Variants in FGF8 observed in about 807,000 individuals in gnomAD.
FGF8 encodes the protein androgen-induced growth factor.
A neutral mutation model predicts 29.7 loss-of-function variants in FGF8; 12 were observed. The observed-to-expected ratio is 0.40, with a 90% CI of 0.26 to 0.65. FGF8 has a LOEUF of 0.65. Among genes scored for constraint, FGF8 ranks in the 30% least tolerant of loss-of-function variants. FGF8 has a pLI of 0.37. For missense variants in FGF8, 271 were observed against 345.1 expected, an observed-to-expected ratio of 0.79 and a Z score of 1.70; for synonymous variants, 157 against 144.4, an observed-to-expected ratio of 1.09 and a Z score of -0.63.
intron 4 of FGF8, among the ~76,000 whole-genome samples, chr10:101,774,241 G>A (rs1157270790): frequency 2.6e-5 from 4 of 152,246 alleles, no homozygotes; most frequent in Non-Finnish European, 5.9e-5. Context: ...AGGGAATGGA[G>A]CAGGGAGAGC....
In FGF8 at chr10:101,775,383, G is replaced by C. The variant is rs560489991; in HGVS notation, c.70-167C>G. ...CCCGAGGGGCGCTGAGAGGGTCTCT[G>C]CTGCAGTCACCCGGCTTCCCCTGGC... is the stretch of plus-strand genomic sequence containing the variant. On this transcript the variant is annotated intron_variant, in intron 2 of 5. Coordinates refer to ENST00000320185, the MANE Select transcript of FGF8 (RefSeq NM_033163.5). The surrounding 1 kb of genome is among the most constrained non-coding windows in gnomAD (Gnocchi z 4.6). Among the ~76,000 whole-genome samples, 2 of 152,262 alleles carry C rather than the reference G, an allele frequency of 1.3e-5. No individual in the cohort carries two copies. Among genetic ancestry groups the C allele is most frequent in the African/African-American group, 4.8e-5 (2 of 41,576 alleles).
In FGF8 at chr10:101,772,898, G is replaced by A. The variant is rs188009613; in HGVS notation, c.338-1329C>T. On this transcript the variant is annotated intron_variant, in intron 4 of 5. Transcript: ENST00000320185. This position sits in a 1 kb window ranked among gnomAD's most constrained non-coding sequence, Gnocchi z 4.4. ...TAGCCAGTCTGCTCATCCCTCTCCC[G>A]CTCTGCCTTCCACAGCAAGAGGCAG... Among the ~76,000 whole-genome samples the A allele has an allele frequency of 1.4e-4, 21 of 152,230 alleles. No homozygotes were observed. In the East Asian group the frequency reaches 2.5e-3, roughly 18 times the overall value.
rs1051604510 is a variant in FGF8 at position 101,776,103 on chromosome 10, T to C, written c.-203A>G. 1.2e-5 allele frequency: 2 copies of C among 168,756 alleles called. No individual in the cohort carries two copies. The highest frequency in any genetic ancestry group is 5.3e-5 in the African/African-American group (2 of 37,758). The allele number at this position is 168,756 out of a possible 1,614,324, so 10.5% of individuals were successfully genotyped here. A position where few individuals can be genotyped will look rare whatever the true frequency, so the allele number is the denominator to read the frequency against. ...CGCTGTGCGCCGCTGCCGGAGCCGGTGGCCGCTGGCTGCTCGGGAGCCGGA... is the reference window on the plus strand; with the variant it reads ...CGCTGTGCGCCGCTGCCGGAGCCGGCGGCCGCTGGCTGCTCGGGAGCCGGA... On this transcript the variant is annotated 5_prime_UTR_variant, in exon 1 of 6. Coordinates refer to ENST00000320185, the MANE Select transcript of FGF8 (RefSeq NM_033163.5).
upstream of FGF8, among the ~76,000 whole-genome samples, chr10:101,779,440 G>A (rs2065125214): frequency 6.6e-6 from 1 of 152,258 alleles, no homozygotes. The surrounding 1 kb of genome is among the most constrained non-coding windows in gnomAD (Gnocchi z 5.7). Flanking sequence ...TGCGCTGAAG[G>A]GCAAAGAAGA....
chr10:101,770,613 C>A lies in FGF8; in HGVS notation c.451G>T (p.Gly151Cys). ...GTGAAGACGCAGTCCTTGCCTTTGCCGTTGCTCTGCAGGTAGGGGAGCCAG... is the reference window on the plus strand; with the variant it reads ...GTGAAGACGCAGTCCTTGCCTTTGCAGTTGCTCTGCAGGTAGGGGAGCCAG... ...KKGKLIAKSN[G>C]KGKDCVFTEI... Residue 151 changes from glycine to cysteine, a missense_variant, in exon 6 of 6, where the codon GGC becomes TGC. By Grantham distance (159) the Gly-to-Cys change is radical (BLOSUM62 -3). Around this residue, in one of 3 missense-constraint regions of FGF8, gnomAD observed 168 missense variants for 207.0 expected, o/e 0.81. Transcript: ENST00000320185. 5.0e-6 allele frequency: 8 copies of A among 1,609,264 alleles called. No individual in the cohort carries two copies. The highest frequency in any genetic ancestry group is 6.8e-6 in the Non-Finnish European group (8 of 1,179,940).
Position 101,770,140 on chromosome 10 carries a change from TTAAA to T in FGF8, c.*185_*188del, listed in dbSNP as rs1564629760. The T allele has an allele frequency of 7.8e-5, 41 of 523,596 alleles. No individual in the cohort carries two copies. Among genetic ancestry groups the T allele is most frequent in the Middle Eastern group, 5.1e-4 (1 of 1,980 alleles). 32.4% of individuals were successfully genotyped at this position (523,596 alleles called of 1,614,324 possible). A position where few individuals can be genotyped will look rare whatever the true frequency, so the allele number is the denominator to read the frequency against. On this transcript the variant is annotated 3_prime_UTR_variant, in exon 6 of 6. Coordinates refer to ENST00000320185, the MANE Select transcript of FGF8 (RefSeq NM_033163.5). ...ACAAAAATAGAGCCTCTCTTTTGTT[TTAAA>T]AAAAAAAAAAAAAAAAAAAACAGCA... is the stretch of plus-strand genomic sequence containing the variant.
Position 101,771,345 on chromosome 10 carries a change from C to T in FGF8, c.444+118G>A, listed in dbSNP as rs377512247. 183 of 767,848 alleles carry T rather than the reference C, an allele frequency of 2.4e-4. No individual in the cohort carries two copies. The highest frequency in any genetic ancestry group is 4.4e-4 in the Admixed American group (23 of 52,616). The allele number at this position is 767,848 out of a possible 1,614,324, so 47.6% of individuals were successfully genotyped here. Reference sequence around the variant, plus strand: ...CAATCGTGAGGTAACCCCAAGATGGCCCTGTGGCCTTCTGCCTACCTTGTT... The same window carrying T: ...CAATCGTGAGGTAACCCCAAGATGGTCCTGTGGCCTTCTGCCTACCTTGTT... On this transcript the variant is annotated intron_variant, in intron 5 of 5. Transcript: ENST00000320185. The surrounding 1 kb of genome is among the most constrained non-coding windows in gnomAD (Gnocchi z 5.3).
chr10:101,770,580 C>A lies in FGF8; in HGVS notation c.484G>T (p.Val162Leu), dbSNP rs1367620386. 2.5e-6 allele frequency: 4 copies of A among 1,612,610 alleles called. No homozygotes were observed. Among genetic ancestry groups the A allele is most frequent in the Non-Finnish European group, 3.4e-6 (4 of 1,179,982 alleles). ...KGKDCVFTEI[V>L]LENNYTALQN... ...AGCGCTGTGTAGTTGTTCTCCAGCA[C>A]AATCTCCGTGAAGACGCAGTCCTTG... The change falls in exon 6 of 6, where the codon GTG becomes TTG. Residue 162 changes from valine (V) to leucine (L), a missense_variant. This residue lies in a region of FGF8 where 41 missense variants were observed against 80.0 expected (regional missense o/e 0.51). Transcript: ENST00000320185.
rs2065030676 is a variant in FGF8 at position 101,771,757 on chromosome 10, C to G, written c.338-188G>C. 6.6e-6 allele frequency among the ~76,000 whole-genome samples: 1 copy of G among 152,236 alleles called. No homozygotes were observed. Among genetic ancestry groups the G allele is most frequent in the Non-Finnish European group, 1.5e-5 (1 of 68,048 alleles). On this transcript the variant is annotated intron_variant, in intron 4 of 5. Coordinates refer to ENST00000320185, the MANE Select transcript of FGF8 (RefSeq NM_033163.5). The surrounding 1 kb of genome is among the most constrained non-coding windows in gnomAD (Gnocchi z 5.3). ...CTTTTCTGGACCTCGGGCCCCACCC[C>G]TGGGTTTACAGAGGGCAGTGGACGG...
In FGF8 at chr10:101,775,954, C is replaced by A; in HGVS notation, c.-54G>T. 1.8e-6 allele frequency: 2 copies of A among 1,140,716 alleles called. No homozygotes were observed. The highest frequency in any genetic ancestry group is 1.1e-6 in the Non-Finnish European group (1 of 926,148). 70.7% of individuals were successfully genotyped at this position (1,140,716 alleles called of 1,614,324 possible). On this transcript the variant is annotated 5_prime_UTR_variant, in exon 1 of 6. Transcript: ENST00000320185. The surrounding 1 kb of genome is among the most constrained non-coding windows in gnomAD (Gnocchi z 4.6). The stretch of plus-strand genomic sequence containing the variant: ...CGGCGGGTCACGCCGTCCCGCGGGC[C>A]GCCGCGGGAGGACGCGCTGAGCAGG...
At chr10:101,776,952 C>T (rs1400576465), upstream of FGF8, among the ~76,000 whole-genome samples, 2 of 152,004 alleles carry the variant, frequency 1.3e-5, no homozygotes, top group Non-Finnish European at 2.9e-5. Context: ...GTCCGGAGGT[C>T]CCTGGCAGGA....
Position 101,772,457 on chromosome 10 carries a change from C to G in FGF8, c.338-888G>C, listed in dbSNP as rs1006585390. On this transcript the variant is annotated intron_variant, in intron 4 of 5. Transcript: ENST00000320185. This position sits in a 1 kb window ranked among gnomAD's most constrained non-coding sequence, Gnocchi z 4.4. Reference sequence around the variant, plus strand: ...TGAATTCTATGCCTCCTTTCCCATTCCCCTCCCCTTAGACAGCCAACTTGC... The same window carrying G: ...TGAATTCTATGCCTCCTTTCCCATTGCCCTCCCCTTAGACAGCCAACTTGC... 1.3e-5 allele frequency among the ~76,000 whole-genome samples: 2 copies of G among 152,188 alleles called. No homozygotes were observed. Among genetic ancestry groups the G allele is most frequent in the African/African-American group, 4.8e-5 (2 of 41,456 alleles).
At chr10:101,779,295 C>G (rs2065123870), upstream of FGF8, among the ~76,000 whole-genome samples, 1 of 152,226 alleles carries the variant, frequency 6.6e-6, no homozygotes, top group African/African-American at 2.4e-5. The surrounding 1 kb of genome is among the most constrained non-coding windows in gnomAD (Gnocchi z 5.7). Flanking sequence ...TTAAGCACTT[C>G]GGCCACTGTC....
Position 101,772,341 on chromosome 10 carries a change from T to C in FGF8, c.338-772A>G, listed in dbSNP as rs1468175638. Among the ~76,000 whole-genome samples, 1 of 152,198 alleles carries C rather than the reference T, an allele frequency of 6.6e-6. No individual in the cohort carries two copies. Among genetic ancestry groups the C allele is most frequent in the Non-Finnish European group, 1.5e-5 (1 of 68,026 alleles). ...CTTTCAGCCTCATCACAGCTGGGCT[T>C]CTCAGCCCAGTGACCAAATAGCTTC... On this transcript the variant is annotated intron_variant, in intron 4 of 5. Coordinates refer to ENST00000320185, the MANE Select transcript of FGF8 (RefSeq NM_033163.5). The surrounding 1 kb of genome is among the most constrained non-coding windows in gnomAD (Gnocchi z 4.4).
chr10:101,772,490 GC>G lies in FGF8; in HGVS notation c.338-922del, dbSNP rs1177113223. Among the ~76,000 whole-genome samples, 1 of 152,144 alleles carries G rather than the reference GC, an allele frequency of 6.6e-6. No individual in the cohort carries two copies. The highest frequency in any genetic ancestry group is 2.4e-5 in the African/African-American group (1 of 41,436). On this transcript the variant is annotated intron_variant, in intron 4 of 5. Transcript: ENST00000320185. The surrounding 1 kb of genome is among the most constrained non-coding windows in gnomAD (Gnocchi z 4.4). ...CTTAGACAGCCAACTTGCCACAGAA[GC>G]CTGTCCTGTTCACCTCTCTGTGCAA...
At chr10:101,770,727 AGGAGCCGCAGC>A (rs2065012216) in intron 5 of FGF8, 108 bp from the exon 6 acceptor site, 1 of 1,238,904 alleles carries the variant, frequency 8.1e-7, no homozygotes, top group Non-Finnish European at 1.2e-6. Context: ...CGAGGTGGGC[AGGAGCCGCAGC>A]CCCACCCCCT....
rs1237150890 is a variant in FGF8 at position 101,771,457 on chromosome 10, C to A, written c.444+6G>T. ...CGCGGACCCCACCTGCCTGCTGGGG[C>A]CTCACCTTGGCGATCAGCTTCCCCT... On this transcript the variant is annotated splice_donor_region_variant and intron_variant, in intron 5 of 5. Coordinates refer to ENST00000320185, the MANE Select transcript of FGF8 (RefSeq NM_033163.5). The surrounding 1 kb of genome is among the most constrained non-coding windows in gnomAD (Gnocchi z 5.3). 6.2e-7 allele frequency: 1 copy of A among 1,611,912 alleles called. No individual in the cohort carries two copies. The highest frequency in any genetic ancestry group is 1.3e-5 in the African/African-American group (1 of 74,888).
Position 101,775,023 on chromosome 10 carries a change from T to A in FGF8, c.156+107A>T, listed in dbSNP as rs747977350. 284 of 1,503,938 alleles carry A rather than the reference T, an allele frequency of 1.9e-4. No individual in the cohort carries two copies. Among genetic ancestry groups the A allele is most frequent in the Non-Finnish European group, 2.5e-4 (270 of 1,097,952 alleles). The allele number at this position is 1,503,938 out of a possible 1,614,324, so 93.2% of individuals were successfully genotyped here. A position where few individuals can be genotyped will look rare whatever the true frequency, so the allele number is the denominator to read the frequency against. ...CTCACTGCCCCAAGCCGCCAGCAGG[T>A]GCTGGGGGTTCCCCCAACATGCCAG... On this transcript the variant is annotated intron_variant, in intron 3 of 5. Transcript: ENST00000320185. The surrounding 1 kb of genome is among the most constrained non-coding windows in gnomAD (Gnocchi z 4.6).
upstream of FGF8, among the ~76,000 whole-genome samples, chr10:101,778,875 T>C (rs2065117844): frequency 6.6e-6 from 1 of 152,136 alleles, no homozygotes; most frequent in Non-Finnish European, 1.5e-5. Flanking sequence ...GTAATTACAA[T>C]TGCTATTTTG....
Sources: gnomAD v4.1 joint callset for allele counts (sites outside exome capture counted in the v4.1 genomes callset) on GRCh38, gnomAD v4.1.1 for gene constraint, gnomAD v4.1.1 regional missense constraint, Gnocchi (gnomAD v3.1) non-coding constraint, MANE v1.5 for transcripts, NCBI Gene and HGNC (gene_info 2026-07-23, HGNC 2026-07-21) for gene names.